The following ZYG11B variants were observed in gnomAD, a reference collection of about 807,000 sequenced individuals.
ZYG11B encodes protein zyg-11 homolog B.
ZYG11B carries 36 observed loss-of-function variants against 82.4 expected under a neutral mutation model. The observed-to-expected ratio is 0.44, with a 90% confidence interval of 0.33 to 0.58. The LOEUF (loss-of-function observed/expected upper bound fraction) is 0.58. ZYG11B is among the 20% of genes least tolerant of loss of function. The pLI, the probability that ZYG11B is intolerant of heterozygous loss-of-function variation, is 0.02. For missense variants in ZYG11B, 552 were observed against 895.6 expected (o/e 0.62, Z 4.90); for synonymous variants, 303 against 312.8 (o/e 0.97, Z 0.33).
chr1:52,781,847 T>G (rs572791505), intron 4 of ZYG11B, among the ~76,000 whole-genome samples: 1 of 152,254 alleles, frequency 6.6e-6, no homozygotes, highest in African/African-American at 2.4e-5. Flanking sequence ...CCAGTAACAT[T>G]TTAGTCCTTA....
At chr1:52,756,306 A>G in intron 1 of ZYG11B, 152 bp from the exon 2 acceptor site, 1 of 639,406 alleles carries the variant, frequency 1.6e-6, no homozygotes, top group South Asian at 2.5e-5. Flanking sequence ...TAGATCACAG[A>G]TTGTATTCCA....
chr1:52,726,525 G>C lies in ZYG11B; in HGVS notation c.-129G>C, dbSNP rs2149914260. ...TGCTACTGCTACGCTCCTAGCTTGA[G>C]GGAAAGAGGCCGAGGCCTGGGCCAA... On this transcript the variant is annotated 5_prime_UTR_variant, in exon 1 of 14. Coordinates refer to ENST00000294353, the MANE Select transcript of ZYG11B (RefSeq NM_024646.3). The C allele has an allele frequency of 1.1e-6, 1 of 880,038 alleles. No homozygotes were observed. The highest frequency in any genetic ancestry group is 3.0e-5 in the South Asian group (1 of 32,986). 54.5% of individuals were successfully genotyped at this position (880,038 alleles called of 1,614,324 possible). A position where few individuals can be genotyped will look rare whatever the true frequency, so the allele number is the denominator to read the frequency against.
intron 3 of ZYG11B, among the ~76,000 whole-genome samples, chr1:52,775,317 C>T (rs1219350226): frequency 3.3e-5 from 5 of 152,094 alleles, no homozygotes; most frequent in Non-Finnish European, 7.4e-5. Context: ...TTTGGCCAGG[C>T]GTGGTGGCTC....
At chr1:52,819,285 G>A (rs1391639659) in intron 13 of ZYG11B, among the ~76,000 whole-genome samples, 2 of 152,126 alleles carry the variant, frequency 1.3e-5, no homozygotes, top group East Asian at 1.9e-4. Context: ...CTCATAAATC[G>A]AAAACTGCCT....
chr1:52,796,814 A>G (rs748288831), intron 8 of ZYG11B, 30 bp downstream of exon 8: 3 of 1,387,154 alleles, frequency 2.2e-6, no homozygotes, highest in Non-Finnish European at 9.4e-7. Flanking sequence ...CATTCAGGCC[A>G]CTAGATATTC....
In ZYG11B at chr1:52,817,797, A is replaced by G. The variant is rs896659147; in HGVS notation, c.2044+1168A>G. 6.5e-3 allele frequency among the ~76,000 whole-genome samples: 325 copies of G among 49,992 alleles called. 6 individuals carry two copies. The highest frequency in any genetic ancestry group is 0.011 in the Non-Finnish European group (235 of 20,814). 32.8% of individuals were successfully genotyped at this position (49,992 alleles called of 152,430 possible). A position where few individuals can be genotyped will look rare whatever the true frequency, so the allele number is the denominator to read the frequency against. Reference sequence around the variant, plus strand: ...TATGTGTATATATATATATATATATATATATATATATATATATATTTTTTT... The same window carrying G: ...TATGTGTATATATATATATATATATGTATATATATATATATATATTTTTTT... On this transcript the variant is annotated intron_variant, in intron 13 of 13. Transcript: ENST00000294353.
At chr1:52,757,600 A>G (rs1644590582) in intron 2 of ZYG11B, among the ~76,000 whole-genome samples, 1 of 152,058 alleles carries the variant, frequency 6.6e-6, no homozygotes, top group Non-Finnish European at 1.5e-5. Flanking sequence ...GCTTGAACCC[A>G]GGAGACAGAG....
rs1644987625 is a variant in ZYG11B at position 52,794,210 on chromosome 1, G to A, written c.1335-2082G>A. 2.0e-5 allele frequency among the ~76,000 whole-genome samples: 3 copies of A among 152,178 alleles called. No individual in the cohort carries two copies. In the South Asian group the frequency reaches 6.2e-4, roughly 32 times the overall value. On this transcript the variant is annotated intron_variant, in intron 6 of 13. Transcript: ENST00000294353. ...AGGATGGTCTCTATCTCTTGACCTT[G>A]TGATCCGCCCACCTCGGCCTCCCAA... is the stretch of plus-strand genomic sequence containing the variant.
intron 10 of ZYG11B, 51 bp from the exon 11 acceptor site, chr1:52,813,485 C>T: frequency 5.1e-6 from 7 of 1,382,496 alleles, no homozygotes; most frequent in Non-Finnish European, 6.9e-6. Context: ...TTATCTTAAC[C>T]ATTTACTATA....
At chr1:52,744,163 C>T (rs1644457977) in intron 1 of ZYG11B, among the ~76,000 whole-genome samples, 1 of 152,118 alleles carries the variant, frequency 6.6e-6, no homozygotes, top group East Asian at 1.9e-4. Flanking sequence ...TCTCAAACTC[C>T]TAACCTTAAG....
At chr1:52,774,240 AGTGG>A (rs1415698549) in intron 3 of ZYG11B, among the ~76,000 whole-genome samples, 74 of 151,022 alleles carry the variant, frequency 4.9e-4, no homozygotes, top group Non-Finnish European at 7.8e-4. Context: ...CCTGGGCTCG[AGTGG>A]ATCCTCCTGG....
At chr1:52,776,229 A>AAAAAAAAAAAAAAATATATATATATAT in intron 3 of ZYG11B, among the ~76,000 whole-genome samples, 16 of 23,536 alleles carry the variant, frequency 6.8e-4, no homozygotes, top group African/African-American at 1.4e-3. Flanking sequence ...TAAAAAAAAA[A>AAAAAAAAAAAAAAATATATATATATAT]ATATATATAT....
intron 3 of ZYG11B, among the ~76,000 whole-genome samples, chr1:52,773,636 T>G (rs1435609349): frequency 3.5e-5 from 2 of 56,632 alleles, no homozygotes; most frequent in Non-Finnish European, 6.3e-5. Flanking sequence ...TATTTTTTTT[T>G]TTTTTTTTTT....
At chr1:52,785,833 A>C (rs1025824786) in intron 5 of ZYG11B, among the ~76,000 whole-genome samples, 4 of 152,178 alleles carry the variant, frequency 2.6e-5, no homozygotes, top group African/African-American at 9.7e-5. Flanking sequence ...CCAAGTAAAA[A>C]TGGCAAGCCA....
chr1:52,816,350 C>T (rs1645223634), intron 12 of ZYG11B, among the ~76,000 whole-genome samples, 182 bp from the exon 13 acceptor site: 1 of 152,100 alleles, frequency 6.6e-6, no homozygotes, highest in African/African-American at 2.4e-5. Flanking sequence ...TGTACTGAGT[C>T]ATGTCTGAAT....
intron 5 of ZYG11B, among the ~76,000 whole-genome samples, chr1:52,785,429 T>C (rs546624544): frequency 2.8e-4 from 42 of 152,182 alleles, no homozygotes; most frequent in Non-Finnish European, 1.5e-4. Flanking sequence ...TAACCTGTCT[T>C]ATACTCAGGA....
intron 1 of ZYG11B, among the ~76,000 whole-genome samples, chr1:52,734,252 C>T (rs922172602): frequency 6.6e-6 from 1 of 152,022 alleles, no homozygotes; most frequent in African/African-American, 2.4e-5. Context: ...ACTGCCTCAG[C>T]CCATCAAAGT....
intron 10 of ZYG11B, among the ~76,000 whole-genome samples, chr1:52,810,446 T>A (rs988929593): frequency 2.0e-5 from 3 of 152,188 alleles, no homozygotes; most frequent in Non-Finnish European, 4.4e-5. Flanking sequence ...TCCTGTGAGT[T>A]ACCTTCATCT....
chr1:52,771,801 G>T lies in ZYG11B; in HGVS notation c.951+27G>T. 6.3e-7 allele frequency: 1 copy of T among 1,581,368 alleles called. No homozygotes were observed. Among genetic ancestry groups the T allele is most frequent in the East Asian group, 2.2e-5 (1 of 44,606 alleles). On this transcript the variant is annotated intron_variant, in intron 3 of 13. Coordinates refer to ENST00000294353, the MANE Select transcript of ZYG11B (RefSeq NM_024646.3). The surrounding 1 kb of genome is among the most constrained non-coding windows in gnomAD (Gnocchi z 5.4). ...TTAGACTTTAAAAATGTATTATTTT[G>T]TCAGGCTGACCAATATCTTAGTTGC...
Sources: gnomAD v4.1 joint callset for allele counts (sites outside exome capture counted in the v4.1 genomes callset) on GRCh38, gnomAD v4.1.1 for gene constraint, Gnocchi (gnomAD v3.1) non-coding constraint, MANE v1.5 for transcripts, NCBI Gene and HGNC (gene_info 2026-07-23, HGNC 2026-07-21) for gene names.